PARD3B: variants seen among roughly 807,000 people sequenced by gnomAD.
The protein encoded by PARD3B is par-3 family cell polarity regulator beta, also known as partitioning defective 3 homolog B.
Under a neutral mutation model 130.2 loss-of-function variants are expected in PARD3B, and 103 were observed. That is an observed-to-expected ratio of 0.79 (90% confidence interval 0.67 to 0.93). The LOEUF is 0.93. Ranked by LOEUF, PARD3B falls within the 40% of genes least tolerant of loss-of-function variation. The pLI is 0.00. For missense variants in PARD3B, 1,609 were observed against 1,499.2 expected (o/e 1.07, Z -1.21); for synonymous variants, 583 against 553.2 (o/e 1.05, Z -0.76).
At chr2:204,688,490 G>C (rs2037193795) in intron 2 of PARD3B, among the ~76,000 whole-genome samples, 2 of 146,520 alleles carry the variant, frequency 1.4e-5, no homozygotes, top group South Asian at 4.3e-4. Flanking sequence ...TGAGGCACGA[G>C]AATCAATTCA....
chr2:204,987,132 G>T (rs1693227605), intron 3 of PARD3B, among the ~76,000 whole-genome samples: 1 of 151,878 alleles, frequency 6.6e-6, no homozygotes, highest in South Asian at 2.1e-4. Context: ...CACAATAAGA[G>T]AACAGATTTG....
intron 3 of PARD3B, among the ~76,000 whole-genome samples, chr2:204,997,617 T>C (rs1046217857): frequency 2.0e-5 from 3 of 152,006 alleles, no homozygotes; most frequent in African/African-American, 7.3e-5. Context: ...ACTAATAATT[T>C]AACTGAGTCT....
intron 3 of PARD3B, among the ~76,000 whole-genome samples, chr2:205,025,044 G>T (rs1007826754): frequency 1.3e-5 from 2 of 152,098 alleles, no homozygotes; most frequent in African/African-American, 4.8e-5. Context: ...AATGCATTCA[G>T]TTTAACTAGC....
chr2:205,554,872 C>T (rs1331243271), intron 22 of PARD3B, among the ~76,000 whole-genome samples: 1 of 152,138 alleles, frequency 6.6e-6, no homozygotes, highest in Non-Finnish European at 1.5e-5. Context: ...TAATACGATT[C>T]CATTTTATAT....
intron 10 of PARD3B, among the ~76,000 whole-genome samples, chr2:205,135,137 A>G (rs547066353): frequency 6.6e-6 from 1 of 152,336 alleles, no homozygotes; most frequent in African/African-American, 2.4e-5. Flanking sequence ...AACAGCTCGG[A>G]AAAAGTCATA....
intron 4 of PARD3B, among the ~76,000 whole-genome samples, chr2:205,050,202 TATA>T (rs986323936): frequency 2.7e-5 from 4 of 148,342 alleles, no homozygotes; most frequent in African/African-American, 7.4e-5. Flanking sequence ...TATATAAATA[TATA>T]ATAATACTAA....
intron 3 of PARD3B, among the ~76,000 whole-genome samples, chr2:204,994,573 A>T (rs563024976): frequency 6.0e-5 from 9 of 148,844 alleles, no homozygotes; most frequent in Admixed American, 5.4e-4. Flanking sequence ...TGGGGTGGAG[A>T]GTTCTGTAGA....
chr2:205,069,169 T>C (rs1700567401), intron 4 of PARD3B, among the ~76,000 whole-genome samples: 1 of 152,130 alleles, frequency 6.6e-6, no homozygotes, highest in African/African-American at 2.4e-5. Flanking sequence ...TTAAGTGTGC[T>C]GAGGCTGTTT....
chr2:205,212,072 C>T (rs1471837090), intron 15 of PARD3B, among the ~76,000 whole-genome samples: 1 of 152,046 alleles, frequency 6.6e-6, no homozygotes, highest in Non-Finnish European at 1.5e-5. Context: ...TCAGTGCTTT[C>T]TCTGTACCCA....
intron 2 of PARD3B, among the ~76,000 whole-genome samples, chr2:204,687,394 A>G (rs1209312445): frequency 6.6e-6 from 1 of 152,188 alleles, no homozygotes; most frequent in African/African-American, 2.4e-5. Flanking sequence ...GGAAATAACT[A>G]GCTATCTAGA....
At position 205,461,124 on chromosome 2, in the gene PARD3B, A is replaced by G. The variant is rs1452376126; in HGVS notation, c.3044+20452A>G. 6.6e-6 allele frequency among the ~76,000 whole-genome samples: 1 copy of G among 152,220 alleles called. No individual in the cohort carries two copies. Among genetic ancestry groups the G allele is most frequent in the Non-Finnish European group, 1.5e-5 (1 of 68,032 alleles). ...GGAGACAAATATTAAATGTGTAGTT[A>G]TAAGTAGAGTGTCATAAACATATTT... On this transcript the variant is annotated intron_variant, in intron 20 of 22. Transcript: ENST00000406610. This position sits in a 1 kb window ranked among gnomAD's most constrained non-coding sequence, Gnocchi z 4.3.
chr2:205,466,055 A>C (rs1559119851), intron 20 of PARD3B, among the ~76,000 whole-genome samples: 1 of 152,118 alleles, frequency 6.6e-6, no homozygotes, highest in Non-Finnish European at 1.5e-5. Flanking sequence ...TCACCTGGGG[A>C]TCTTGTTAAA....
chr2:205,202,076 G>A (rs1177396685), intron 15 of PARD3B, among the ~76,000 whole-genome samples: 2 of 151,936 alleles, frequency 1.3e-5, no homozygotes, highest in Non-Finnish European at 2.9e-5. Context: ...CTCCATCCAC[G>A]GCAGGCCTCT....
At chr2:205,077,579 C>CTTTT (rs1701144431) in intron 4 of PARD3B, among the ~76,000 whole-genome samples, 2 of 152,150 alleles carry the variant, frequency 1.3e-5, no homozygotes, top group Admixed American at 1.3e-4. Context: ...CTTGAAGAAG[C>CTTTT]CAAAAATGCA....
At chr2:205,089,373 G>A (rs1300670854) in intron 4 of PARD3B, among the ~76,000 whole-genome samples, 1 of 151,938 alleles carries the variant, frequency 6.6e-6, no homozygotes, top group Non-Finnish European at 1.5e-5. Context: ...GTTTCACCAT[G>A]TTGGCCAGGC....
intron 15 of PARD3B, among the ~76,000 whole-genome samples, chr2:205,232,284 A>G (rs1044549072): frequency 5.9e-5 from 9 of 152,066 alleles, no homozygotes; most frequent in Non-Finnish European, 1.2e-4. Flanking sequence ...ACCCCTACGC[A>G]CACACACAGA....
At chr2:204,960,782 G>T (rs976059394) in intron 2 of PARD3B, among the ~76,000 whole-genome samples, 2 of 152,130 alleles carry the variant, frequency 1.3e-5, no homozygotes, top group Admixed American at 1.3e-4. Flanking sequence ...GTGAGGTGCG[G>T]AGACAGGCAA....
At chr2:205,542,189 C>T (rs2052177660) in intron 21 of PARD3B, among the ~76,000 whole-genome samples, 1 of 137,172 alleles carries the variant, frequency 7.3e-6, no homozygotes, top group Non-Finnish European at 1.6e-5. Context: ...TGTTTGGGAT[C>T]CATAAAATTT....
In PARD3B at chr2:205,268,325, G is replaced by A. The variant is rs1012613515; in HGVS notation, c.2185+22503G>A. On this transcript the variant is annotated intron_variant, in intron 16 of 22. Transcript: ENST00000406610. The surrounding 1 kb of genome is among the most constrained non-coding windows in gnomAD (Gnocchi z 4.1). ...ACTCATATAATTGGTTTTTGAGAAC[G>A]GTTCCAATATATTGGGAGAAAAATA... 3.3e-5 allele frequency among the ~76,000 whole-genome samples: 5 copies of A among 152,184 alleles called. No homozygotes were observed. The highest frequency in any genetic ancestry group is 9.6e-5 in the African/African-American group (4 of 41,454).
Sources: gnomAD v4.1 joint callset for allele counts (sites outside exome capture counted in the v4.1 genomes callset) on GRCh38, gnomAD v4.1.1 for gene constraint, Gnocchi (gnomAD v3.1) non-coding constraint, MANE v1.5 for transcripts, NCBI Gene and HGNC (gene_info 2026-07-23, HGNC 2026-07-21) for gene names.